COL22A1: variants seen among roughly 807,000 people sequenced by gnomAD.
COL22A1 encodes the protein collagen type XXII alpha 1 chain.
COL22A1 carries 221 observed loss-of-function variants against 248.9 expected under a neutral mutation model. The observed-to-expected ratio is 0.89, with a 90% CI of 0.80 to 0.99. COL22A1 has a LOEUF of 0.99. COL22A1 is among the 50% of genes least tolerant of loss of function. The pLI is 0.00. For synonymous variants in COL22A1, 891 were observed against 793.4 expected (o/e 1.12, Z -2.07); for missense variants, 2,240 against 2,179.0 (o/e 1.03, Z -0.56).
At chr8:138,885,574 T>C (rs1824603175) in intron 1 of COL22A1, among the ~76,000 whole-genome samples, 1 of 151,950 alleles carries the variant, frequency 6.6e-6, no homozygotes, top group Admixed American at 6.6e-5. Flanking sequence ...ACACAGTTTT[T>C]TTTGTTTTTG....
In COL22A1 at chr8:138,805,712, T is replaced by G. The variant is rs982365887; in HGVS notation, c.1494+2056A>C. Among the ~76,000 whole-genome samples the G allele has an allele frequency of 8.2e-4, 121 of 147,444 alleles. 1 individual carries two copies. Among genetic ancestry groups the G allele is most frequent in the African/African-American group, 3.0e-3 (117 of 39,522 alleles). ...GTTTGTGATGGTGTGGGATGGTGTG[T>G]GATGGTGTAGTGATGGTGTGTGTAT... On this transcript the variant is annotated intron_variant, in intron 10 of 64. Coordinates refer to ENST00000303045, the MANE Select transcript of COL22A1 (RefSeq NM_152888.3).
At chr8:138,676,945 GCTTT>G (rs1424220232) in intron 40 of COL22A1, among the ~76,000 whole-genome samples, 1 of 152,184 alleles carries the variant, frequency 6.6e-6, no homozygotes, top group Non-Finnish European at 1.5e-5. Flanking sequence ...AATCTACCAT[GCTTT>G]CTTCAAACCA....
chr8:138,603,052 C>T (rs1818161406), intron 59 of COL22A1, among the ~76,000 whole-genome samples: 1 of 152,164 alleles, frequency 6.6e-6, no homozygotes, highest in Admixed American at 6.5e-5. Flanking sequence ...GGTTGATAGA[C>T]TCTACATTGA....
At chr8:138,784,467 C>A (rs913645897) in intron 12 of COL22A1, among the ~76,000 whole-genome samples, 1 of 152,228 alleles carries the variant, frequency 6.6e-6, no homozygotes, top group East Asian at 1.9e-4. Context: ...TGAGGAGCCA[C>A]CTCCCCTCCC....
intron 25 of COL22A1, among the ~76,000 whole-genome samples, chr8:138,723,296 C>T (rs566814119): frequency 2.6e-4 from 39 of 152,118 alleles, no homozygotes; most frequent in Non-Finnish European, 5.0e-4. Flanking sequence ...AGTGAAAAGA[C>T]AGCCCCGCCT....
intron 7 of COL22A1, among the ~76,000 whole-genome samples, chr8:138,815,531 G>A (rs763047022): frequency 3.9e-5 from 6 of 152,056 alleles, no homozygotes; most frequent in African/African-American, 1.2e-4. Flanking sequence ...CTGCTCCTGC[G>A]CTGGCTCCTC....
At chr8:138,638,162 T>G (rs1821355998) in intron 47 of COL22A1, among the ~76,000 whole-genome samples, 1 of 152,100 alleles carries the variant, frequency 6.6e-6, no homozygotes, top group South Asian at 2.1e-4. Flanking sequence ...CATCCAAAGG[T>G]TCAAATTCTT....
intron 43 of COL22A1, 50 bp from the exon 44 acceptor site, chr8:138,660,530 G>T (rs1361917740): frequency 2.6e-6 from 4 of 1,539,878 alleles, no homozygotes; most frequent in South Asian, 1.1e-5. Context: ...ACACGATCCT[G>T]ACCCACTCTA....
intron 41 of COL22A1, among the ~76,000 whole-genome samples, chr8:138,665,815 A>G (rs1263705702): frequency 6.6e-6 from 1 of 152,230 alleles, no homozygotes; most frequent in Non-Finnish European, 1.5e-5. Flanking sequence ...AAAAGAAAGA[A>G]AACAGAGAAA....
At chr8:138,595,886 C>T (rs1817499646) in intron 62 of COL22A1, among the ~76,000 whole-genome samples, 1 of 151,966 alleles carries the variant, frequency 6.6e-6, no homozygotes. Flanking sequence ...GTGTGACTTT[C>T]TTCTCCTCTA....
At chr8:138,784,868 G>C (rs1375993867) in intron 12 of COL22A1, among the ~76,000 whole-genome samples, 1 of 152,156 alleles carries the variant, frequency 6.6e-6, no homozygotes, top group Non-Finnish European at 1.5e-5. Flanking sequence ...TCTGCCCAAA[G>C]TTACAGTGCT....
intron 3 of COL22A1, among the ~76,000 whole-genome samples, chr8:138,868,926 T>C (rs527439820): frequency 4.0e-4 from 61 of 152,248 alleles, no homozygotes; most frequent in Admixed American, 1.6e-3. Flanking sequence ...AGATGGGGGT[T>C]TCACCATATT....
chr8:138,662,772 C>T (rs1031055667), intron 42 of COL22A1, among the ~76,000 whole-genome samples: 1 of 152,092 alleles, frequency 6.6e-6, no homozygotes, highest in Non-Finnish European at 1.5e-5. Flanking sequence ...CTCTACTTTG[C>T]CATAACTTGC....
intron 19 of COL22A1, 81 bp downstream of exon 19, chr8:138,755,704 T>G (rs1166403783): frequency 1.4e-6 from 2 of 1,462,918 alleles, no homozygotes; most frequent in Non-Finnish European, 1.9e-6. Flanking sequence ...GAGCGTTGCC[T>G]TATTCTTAGA....
rs373404949 is a variant in COL22A1 at position 138,826,622 on chromosome 8, T to C, written c.969+36A>G. 6.8e-6 allele frequency: 11 copies of C among 1,610,654 alleles called. No homozygotes were observed. The African/African-American group carries it at 1.3e-4, about 20-fold the overall frequency. ...CCACTGTGAGAGGGGAACAGAAAGC[T>C]CAGGACCACTGAGATAAGGCATCTG... On this transcript the variant is annotated intron_variant, in intron 6 of 64. Coordinates refer to ENST00000303045, the MANE Select transcript of COL22A1 (RefSeq NM_152888.3).
intron 16 of COL22A1, among the ~76,000 whole-genome samples, chr8:138,768,289 C>T (rs1834069057): frequency 6.6e-6 from 1 of 152,210 alleles, no homozygotes; most frequent in Non-Finnish European, 1.5e-5. Flanking sequence ...CTCTCGGCCA[C>T]AGCAGCAGTT....
intron 63 of COL22A1, among the ~76,000 whole-genome samples, chr8:138,591,768 C>T (rs1817074198): frequency 6.6e-6 from 1 of 152,166 alleles, no homozygotes; most frequent in South Asian, 2.1e-4. Context: ...AAACACATAT[C>T]TACATATGAA....
At chr8:138,649,994 T>G (rs1224692626) in intron 45 of COL22A1, among the ~76,000 whole-genome samples, 3 of 152,236 alleles carry the variant, frequency 2.0e-5, no homozygotes, top group African/African-American at 7.2e-5. Context: ...AAGTTAGGTT[T>G]CAGCACTGAC....
chr8:138,889,220 C>T lies in COL22A1; in HGVS notation c.-72-5976G>A, dbSNP rs1475305034. 2.0e-5 allele frequency among the ~76,000 whole-genome samples: 3 copies of T among 150,868 alleles called. No homozygotes were observed. The East Asian group carries it at 6.0e-4, about 30-fold the overall frequency. ...ACCTAGGCCTCTTCTGGGCACTAAA[C>T]CCACACTCTTTCCCTGAACTCAATG... On this transcript the variant is annotated intron_variant, in intron 1 of 64. Transcript: ENST00000303045.
Sources: allele counts gnomAD v4.1 joint callset (sites outside exome capture counted in the v4.1 genomes callset), GRCh38; gene constraint gnomAD v4.1.1; transcripts MANE v1.5; gene names NCBI Gene and HGNC (gene_info 2026-07-23, HGNC 2026-07-21).